The following ABCG2 variants were observed in gnomAD, a reference collection of about 807,000 sequenced individuals.
ABCG2 encodes broad substrate specificity ATP-binding cassette transporter ABCG2.
A neutral mutation model predicts 73.5 loss-of-function variants in ABCG2; 80 were observed. The observed-to-expected ratio is 1.09, with a 90% confidence interval of 0.91 to 1.31. ABCG2 has a LOEUF of 1.31. Among genes scored for constraint, ABCG2 ranks in the 50% most tolerant of loss-of-function variants. The pLI is 0.00. For missense variants in ABCG2, 796 were observed against 786.2 expected (o/e 1.01, Z -0.15); for synonymous variants, 269 against 282.4 (o/e 0.95, Z 0.48).
At chr4:88,123,277 C>T (rs911533078) in intron 5 of ABCG2, among the ~76,000 whole-genome samples, 6 of 152,108 alleles carry the variant, frequency 3.9e-5, no homozygotes, top group Admixed American at 6.5e-5. Context: ...CACAGCTCCT[C>T]GCCAGCAAGG....
intron 1 of ABCG2, among the ~76,000 whole-genome samples, chr4:88,182,457 C>T (rs1578261149): frequency 6.6e-6 from 1 of 152,146 alleles, no homozygotes; most frequent in East Asian, 1.9e-4. Context: ...ACATTCTTCT[C>T]CTCAGCCATG....
intron 1 of ABCG2, among the ~76,000 whole-genome samples, chr4:88,194,649 G>C (rs1311712383): frequency 6.9e-6 from 1 of 145,534 alleles, no homozygotes; most frequent in Admixed American, 7.0e-5. Flanking sequence ...TATATTTCTT[G>C]AACATGAAAT....
upstream of ABCG2, chr4:88,158,805 G>A: frequency 3.0e-6 from 1 of 338,844 alleles, no homozygotes; most frequent in Non-Finnish European, 5.6e-6. Flanking sequence ...GGAGCCGGCG[G>A]GTGGCCGCCT....
intron 9 of ABCG2, among the ~76,000 whole-genome samples, chr4:88,112,257 A>G (rs2622623): frequency 0.97 from 148,229 of 152,264 alleles, 72,284 homozygotes; most frequent in Middle Eastern, 1. Flanking sequence ...TGCTTACTAC[A>G]TTTGTTTCAC....
intron 1 of ABCG2, among the ~76,000 whole-genome samples, chr4:88,178,511 G>C (rs1728098724): frequency 6.6e-6 from 1 of 152,032 alleles, no homozygotes; most frequent in Admixed American, 6.6e-5. Context: ...TATGGGGAGG[G>C]GCTACTTCTG....
At chr4:88,199,294 A>T (rs1729057726) in intron 1 of ABCG2, among the ~76,000 whole-genome samples, 1 of 152,146 alleles carries the variant, frequency 6.6e-6, no homozygotes, top group African/African-American at 2.4e-5. Context: ...AGCAATTATG[A>T]ACTGACAGTT....
chr4:88,122,302 G>A (rs565344639), intron 5 of ABCG2, among the ~76,000 whole-genome samples: 1 of 151,348 alleles, frequency 6.6e-6, no homozygotes, highest in East Asian at 1.9e-4. Context: ...TGCCTGGAAT[G>A]CCAGCGCGAC....
intron 12 of ABCG2, among the ~76,000 whole-genome samples, chr4:88,098,645 G>GATATAGAT (rs1398149741): frequency 7.0e-6 from 1 of 143,814 alleles, no homozygotes; most frequent in African/African-American, 2.6e-5. Flanking sequence ...GAGACAGGGA[G>GATATAGAT]AGATAGATAG....
intron 1 of ABCG2, among the ~76,000 whole-genome samples, chr4:88,177,388 T>TAA (rs141188215): frequency 8.1e-5 from 12 of 148,800 alleles, no homozygotes; most frequent in East Asian, 7.9e-4. Context: ...AAAAAAAAAT[T>TAA]AAAAAAAAAA....
At chr4:88,179,080 C>T (rs935329695) in intron 1 of ABCG2, among the ~76,000 whole-genome samples, 20 of 152,264 alleles carry the variant, frequency 1.3e-4, no homozygotes, top group Middle Eastern at 3.4e-3. Context: ...TTACCATGGG[C>T]CTTAGGCAAC....
intron 1 of ABCG2, among the ~76,000 whole-genome samples, chr4:88,219,763 G>A (rs201702579): frequency 9.6e-6 from 1 of 104,012 alleles, no homozygotes; most frequent in African/African-American, 3.6e-5. Flanking sequence ...TTTTTTTTTT[G>A]TATTTTTAGT....
chr4:88,194,326 G>T (rs1392519930), intron 1 of ABCG2, among the ~76,000 whole-genome samples: 2 of 151,482 alleles, frequency 1.3e-5, no homozygotes, highest in African/African-American at 4.8e-5. Flanking sequence ...CGAGGCGGGC[G>T]GATCACGAGG....
intron 1 of ABCG2, among the ~76,000 whole-genome samples, chr4:88,216,747 T>G (rs560043857): frequency 8.5e-4 from 129 of 152,254 alleles, no homozygotes; most frequent in Middle Eastern, 6.8e-3. Flanking sequence ...TTTTGCACTG[T>G]GTCCAAGCGC....
At chr4:88,217,236 T>C (rs1313710319) in intron 1 of ABCG2, among the ~76,000 whole-genome samples, 1 of 152,122 alleles carries the variant, frequency 6.6e-6, no homozygotes, top group Non-Finnish European at 1.5e-5. Context: ...AGCAGCTGGC[T>C]TGATAGAACA....
At chr4:88,160,860 A>C (rs1240358409), upstream of ABCG2, among the ~76,000 whole-genome samples, 8 of 151,162 alleles carry the variant, frequency 5.3e-5, no homozygotes, top group East Asian at 1.2e-3. Context: ...AAAAAAAAAA[A>C]AAAAAAAAAA....
chr4:88,225,347 GGCAGTAGTTT>G (rs946965916), intron 1 of ABCG2, among the ~76,000 whole-genome samples: 2 of 152,142 alleles, frequency 1.3e-5, no homozygotes, highest in African/African-American at 4.8e-5. Context: ...TTGTCACAAA[GGCAGTAGTTT>G]GCCAACCCCT....
At position 88,158,635 on chromosome 4, in the gene ABCG2, G is replaced by C. The variant is rs1250163479; in HGVS notation, c.-269C>G. 6.6e-6 allele frequency: 3 copies of C among 456,154 alleles called. No individual in the cohort carries two copies. Among genetic ancestry groups the C allele is most frequent in the Non-Finnish European group, 1.3e-5 (3 of 226,954 alleles). 28.3% of individuals were successfully genotyped at this position (456,154 alleles called of 1,614,324 possible). ...CTCTCAATCTCAGTGGGAGTGGCGG[G>C]CACTGCCTCTTCCCTCCTGCGCGCC... is the stretch of plus-strand genomic sequence containing the variant. On this transcript the variant is annotated 5_prime_UTR_variant, in exon 1 of 16. Coordinates refer to ENST00000237612, the MANE Select transcript of ABCG2 (RefSeq NM_004827.3).
chr4:88,140,262 T>A (rs558808267), intron 1 of ABCG2, among the ~76,000 whole-genome samples: 1 of 152,192 alleles, frequency 6.6e-6, no homozygotes, highest in East Asian at 2.0e-4. Context: ...TGGGTCCTAA[T>A]AAGTAAATAG....
intron 1 of ABCG2, among the ~76,000 whole-genome samples, chr4:88,213,772 T>A (rs978722347): frequency 4.0e-5 from 6 of 151,766 alleles, no homozygotes; most frequent in African/African-American, 1.5e-4. Flanking sequence ...AACCTCCGCC[T>A]CCCGGATTCA....
Sources: allele counts gnomAD v4.1 joint callset (sites outside exome capture counted in the v4.1 genomes callset), GRCh38; gene constraint gnomAD v4.1.1; transcripts MANE v1.5; gene names NCBI Gene and HGNC (gene_info 2026-07-23, HGNC 2026-07-21).